The following EFCAB7 variants were observed in gnomAD, a reference collection of about 807,000 sequenced individuals.
EFCAB7 encodes EF-hand calcium binding domain 7, also known as EF-hand calcium-binding domain-containing protein 7.
Under a neutral mutation model 77.1 loss-of-function variants are expected in EFCAB7, and 66 were observed. The observed-to-expected ratio is 0.86, with a 90% CI of 0.70 to 1.05. The LOEUF is 1.05. EFCAB7 is among the 50% of genes least tolerant of loss of function. The probability of loss-of-function intolerance (pLI) is 0.00; values close to 1 mark genes in which losing one functional copy is unlikely to be tolerated. For missense variants in EFCAB7, 638 were observed against 730.5 expected (o/e 0.87, Z 1.46); for synonymous variants, 225 against 243.3 (o/e 0.92, Z 0.70).
Position 63,568,292 on chromosome 1 carries a change from A to G in EFCAB7, c.1498-18A>G, listed in dbSNP as rs527524728. 1 of 1,564,560 alleles carries G rather than the reference A, an allele frequency of 6.4e-7. No homozygotes were observed. The highest frequency in any genetic ancestry group is 1.4e-5 in the African/African-American group (1 of 72,608). ...AATTCTATCAAAAGGCTGAAACAAGATTTTTTTTTCCTATCAGGCATGTCC... is the reference window on the plus strand; with the variant it reads ...AATTCTATCAAAAGGCTGAAACAAGGTTTTTTTTTCCTATCAGGCATGTCC... On this transcript the variant is annotated intron_variant, in intron 11 of 13. Transcript: ENST00000371088.
In EFCAB7 at chr1:63,532,015, A is replaced by G; in HGVS notation, c.383A>G (p.Tyr128Cys). Residue 128 changes from tyrosine to cysteine, a missense_variant, in exon 3 of 14, where the codon TAT (tyrosine) becomes TGT (cysteine). Coordinates refer to ENST00000371088, the MANE Select transcript of EFCAB7 (RefSeq NM_032437.4). ...DDGCILHTDL[Y>C]KFLTKRGEKM... ...GGCTGTATTTTACACACTGACCTTT[A>G]TAAATTTCTAACAAAGGTAAGATCT... The G allele has an allele frequency of 6.2e-7, 1 of 1,607,732 alleles. No homozygotes were observed. Among genetic ancestry groups the G allele is most frequent in the South Asian group, 1.1e-5 (1 of 90,040 alleles).
rs6657480 is a variant in EFCAB7, at chr1:63,534,197, T to C, written c.785T>C (p.Met262Thr). 0.17 allele frequency: 281,254 copies of C among 1,608,754 alleles called. 29,674 individuals are homozygous for C. Among genetic ancestry groups the C allele is most frequent in the African/African-American group, 0.49 (36,986 of 74,778 alleles). ...AATGGTAACCGAAACTCAAAGTTAA[T>C]GGAGCCAAATTTAATAAAGGTATAG... ...GANGNRNSKL[M>T]EPNLIKDWQH... Residue 262 changes from methionine to threonine, a missense_variant, in exon 6 of 14, where the codon ATG becomes ACG. Transcript: ENST00000371088.
chr1:63,580,463 T>C, the EFCAB7 span, among the ~76,000 whole-genome samples: 1 of 152,222 alleles, frequency 6.6e-6, no homozygotes, highest in East Asian at 1.9e-4. Flanking sequence ...TACTACATTG[T>C]CCTGATTACA....
Position 63,555,476 on chromosome 1 carries a change from G to C in EFCAB7, c.1175G>C (p.Arg392Thr). 1 of 1,613,554 alleles carries C rather than the reference G, an allele frequency of 6.2e-7. No homozygotes were observed. The highest frequency in any genetic ancestry group is 8.5e-7 in the Non-Finnish European group (1 of 1,179,760). ...ACAGATGAAGCCCAACTTGTATATA[G>C]AGATGAAACAGGGGAATTATTCCTT... ...PVTDEAQLVY[R>T]DETGELFLTK... Residue 392 changes from arginine (R) to threonine (T), a missense_variant, in exon 9 of 14, where the codon AGA (arginine) becomes ACA (threonine). Arg to Thr is a moderately conservative substitution (Grantham distance 71, BLOSUM62 -1). Transcript: ENST00000371088.
chr1:63,568,086 ATTAT>A (rs1406448628), intron 11 of EFCAB7, among the ~76,000 whole-genome samples: 4 of 152,126 alleles, frequency 2.6e-5, no homozygotes, highest in Non-Finnish European at 5.9e-5. Context: ...GCTAGAGGTT[ATTAT>A]TTTCTTTTAT....
intron 10 of EFCAB7, among the ~76,000 whole-genome samples, chr1:63,560,675 C>T (rs777210273): frequency 2.6e-5 from 4 of 151,770 alleles, no homozygotes; most frequent in African/African-American, 7.3e-5. Context: ...GCCAGCATGC[C>T]GGGCTAATTT....
rs1320302224 is a variant in EFCAB7, at chr1:63,533,593, C to A, written c.626C>A (p.Pro209Gln). ...CCTGAAAGGGACCCATCACCAGTAC[C>A]AAAACCATCACCTAAAATCACAAGA... ...GSPERDPSPV[P>Q]KPSPKITRKT... The change falls in exon 5 of 14, where the codon CCA (proline) becomes CAA (glutamine). Residue 209 changes from proline to glutamine, a missense_variant. Coordinates refer to ENST00000371088, the MANE Select transcript of EFCAB7 (RefSeq NM_032437.4). 2 of 1,600,752 alleles carry A rather than the reference C, an allele frequency of 1.2e-6. No individual in the cohort carries two copies. Among genetic ancestry groups the A allele is most frequent in the Admixed American group, 1.8e-5 (1 of 55,616 alleles).
intron 8 of EFCAB7, among the ~76,000 whole-genome samples, chr1:63,552,918 A>G (rs1462091102): frequency 6.6e-6 from 1 of 152,240 alleles, no homozygotes; most frequent in African/African-American, 2.4e-5. Flanking sequence ...TAAGTTCAAG[A>G]TAAAGCATTG....
At chr1:63,581,869 T>C in the EFCAB7 span, among the ~76,000 whole-genome samples, 1 of 152,220 alleles carries the variant, frequency 6.6e-6, no homozygotes, top group African/African-American at 2.4e-5. Flanking sequence ...AAATCTATTA[T>C]AAAAAGTTAA....
chr1:63,582,857 G>A, the EFCAB7 span, among the ~76,000 whole-genome samples: 20 of 152,078 alleles, frequency 1.3e-4, no homozygotes, highest in Admixed American at 4.6e-4. Context: ...CACCCACCTC[G>A]GCCTCCCAAA....
chr1:63,552,443 G>A (rs1041550769), intron 8 of EFCAB7, among the ~76,000 whole-genome samples: 6 of 152,130 alleles, frequency 3.9e-5, no homozygotes, highest in African/African-American at 1.2e-4. Context: ...TGGAAAAGCT[G>A]CTGTAGACGT....
chr1:63,523,649 G>A lies in EFCAB7; in HGVS notation c.-2+15G>A. On this transcript the variant is annotated intron_variant, in intron 1 of 13. Transcript: ENST00000371088. ...GCTAGAATTAGGTAGCAAACAGCTCGCTGTCTCTGTCTCTTCGCTCCCTCT... is the reference window on the plus strand; with the variant it reads ...GCTAGAATTAGGTAGCAAACAGCTCACTGTCTCTGTCTCTTCGCTCCCTCT... 1 of 179,678 alleles carries A rather than the reference G, an allele frequency of 5.6e-6. No homozygotes were observed. Among genetic ancestry groups the A allele is most frequent in the Non-Finnish European group, 1.2e-5 (1 of 82,824 alleles). 11.1% of individuals were successfully genotyped at this position (179,678 alleles called of 1,614,324 possible). A position where few individuals can be genotyped will look rare whatever the true frequency, so the allele number is the denominator to read the frequency against.
At chr1:63,565,276 G>T (rs944719428) in intron 11 of EFCAB7, among the ~76,000 whole-genome samples, 4 of 151,888 alleles carry the variant, frequency 2.6e-5, no homozygotes, top group Non-Finnish European at 4.4e-5. Flanking sequence ...GGAGAATGGT[G>T]TGAACCCGGG....
chr1:63,544,054 CCA>C (rs1646864532), intron 6 of EFCAB7, among the ~76,000 whole-genome samples: 1 of 150,176 alleles, frequency 6.7e-6, no homozygotes, highest in South Asian at 2.1e-4. Context: ...ACTGCAACCT[CCA>C]TCTCCCAGGT....
chr1:63,542,942 C>A (rs367706322), intron 6 of EFCAB7, among the ~76,000 whole-genome samples: 1 of 152,232 alleles, frequency 6.6e-6, no homozygotes, highest in South Asian at 2.1e-4. Context: ...TCCTTTGATG[C>A]ACAAAAGTTT....
intron 10 of EFCAB7, among the ~76,000 whole-genome samples, chr1:63,559,441 A>G (rs1647069239): frequency 6.6e-6 from 1 of 152,012 alleles, no homozygotes; most frequent in Admixed American, 6.6e-5. Flanking sequence ...ATAATCATTA[A>G]CTAAAGTTCA....
chr1:63,531,295 G>C (rs745658023), intron 2 of EFCAB7, among the ~76,000 whole-genome samples: 1 of 150,366 alleles, frequency 6.7e-6, no homozygotes, highest in Non-Finnish European at 1.5e-5. Context: ...TGTCTTCAGC[G>C]TCTAGCTTAT....
At chr1:63,559,710 G>C (rs901475601) in intron 10 of EFCAB7, among the ~76,000 whole-genome samples, 1 of 152,030 alleles carries the variant, frequency 6.6e-6, no homozygotes, top group Non-Finnish European at 1.5e-5. Context: ...CTCTTGTCTT[G>C]TACAGTTCTA....
At chr1:63,574,675 T>G (rs1647361086), downstream of EFCAB7, among the ~76,000 whole-genome samples, 1 of 152,192 alleles carries the variant, frequency 6.6e-6, no homozygotes, top group African/African-American at 2.4e-5. Context: ...CAGCTTCCTT[T>G]GGAAGTAAAG....
Sources: gnomAD v4.1 joint callset for allele counts (sites outside exome capture counted in the v4.1 genomes callset) on GRCh38, gnomAD v4.1.1 for gene constraint, MANE v1.5 for transcripts, NCBI Gene and HGNC (gene_info 2026-07-23, HGNC 2026-07-21) for gene names.